Variants in GP2 observed in about 807,000 individuals in gnomAD.
GP2 encodes the protein pancreatic secretory granule membrane major glycoprotein GP2.
A neutral mutation model predicts 60.8 loss-of-function variants in GP2; 58 were observed. The ratio of observed to expected loss-of-function variants is 0.95; its 90% CI spans 0.77 to 1.19. The LOEUF is 1.19. Among genes scored for constraint, GP2 ranks in the 50% most tolerant of loss-of-function variants. The pLI, the probability that GP2 is intolerant of heterozygous loss-of-function variation, is 0.00. For synonymous variants in GP2, 280 were observed against 253.4 expected (o/e 1.10, Z -1.00); for missense variants, 647 against 667.4 (o/e 0.97, Z 0.34).
In GP2 at chr16:20,327,507, T is replaced by C. The variant is rs1251862324; in HGVS notation, c.-77A>G. The C allele has an allele frequency of 1.6e-6, 2 of 1,288,680 alleles. No individual in the cohort carries two copies. Among genetic ancestry groups the C allele is most frequent in the East Asian group, 5.5e-5 (1 of 18,032 alleles). 79.8% of individuals were successfully genotyped at this position (1,288,680 alleles called of 1,614,324 possible). On this transcript the variant is annotated 5_prime_UTR_variant, in exon 1 of 11. It removes an upstream start codon present in the reference 5' UTR. Transcript: ENST00000302555. The stretch of plus-strand genomic sequence containing the variant: ...AAAGCGTTCCTCCTCTGGCCAGCCA[T>C]GGGAATGCAGCCTGCTGTGGGCCGT...
chr16:20,322,399 T>C (rs1028076601), intron 4 of GP2, among the ~76,000 whole-genome samples: 1 of 152,160 alleles, frequency 6.6e-6, no homozygotes, highest in Non-Finnish European at 1.5e-5. Flanking sequence ...GCCTGCCCAA[T>C]TGGACTGCTC....
rs190555989 is a variant in GP2, at chr16:20,323,051, C to A, written c.536-72G>T. On this transcript the variant is annotated intron_variant, in intron 3 of 10. Transcript: ENST00000302555. ...TGGACTTGAGGCCCCCAAGTCCAAC[C>A]CTTTCATTTCACCGGGGCACAAGAA... 87 of 790,272 alleles carry A rather than the reference C, an allele frequency of 1.1e-4. No individual in the cohort carries two copies. The Middle Eastern group carries it at 1.8e-3, about 17-fold the overall frequency. 49.0% of individuals were successfully genotyped at this position (790,272 alleles called of 1,614,324 possible). A position where few individuals can be genotyped will look rare whatever the true frequency, so the allele number is the denominator to read the frequency against.
chr16:20,324,594 C>T (rs1462467644), intron 2 of GP2, among the ~76,000 whole-genome samples: 1 of 152,132 alleles, frequency 6.6e-6, no homozygotes, highest in East Asian at 1.9e-4. Flanking sequence ...TACAGGCTCA[C>T]TGAAAAAGAA....
chr16:20,319,059 G>T (rs1166278724), intron 6 of GP2, among the ~76,000 whole-genome samples: 2 of 152,030 alleles, frequency 1.3e-5, no homozygotes, highest in South Asian at 2.1e-4. Context: ...ACAGAGAAAA[G>T]CCCCTGCCCA....
chr16:20,314,741 G>A, intron 9 of GP2, 40 bp from the exon 10 acceptor site: 2 of 1,419,644 alleles, frequency 1.4e-6, no homozygotes, highest in Non-Finnish European at 2.0e-6. Context: ...CCTCAGTCAT[G>A]CTCCAGTGAC....
chr16:20,322,386 T>A (rs1964390451), intron 4 of GP2, among the ~76,000 whole-genome samples: 1 of 152,188 alleles, frequency 6.6e-6, no homozygotes, highest in Non-Finnish European at 1.5e-5. Context: ...CATCACCTCC[T>A]GAGCCTGCCC....
At chr16:20,323,656 A>G in intron 3 of GP2, 160 bp downstream of exon 3, 1 of 612,930 alleles carries the variant, frequency 1.6e-6, no homozygotes, top group Non-Finnish European at 2.9e-6. Flanking sequence ...AAATGTTGGA[A>G]GGTCTCAACC....
chr16:20,323,759 G>T, intron 3 of GP2, 57 bp downstream of exon 3: 6 of 1,158,666 alleles, frequency 5.2e-6, no homozygotes, highest in Non-Finnish European at 7.5e-6. Context: ...ACTCTACTGA[G>T]CCTGGGAGGC....
Position 20,318,424 on chromosome 16 carries a change from C to G in GP2, c.1014G>C (p.Leu338=), listed in dbSNP as rs1964252263. ...QAALQPIVSS[L]NVSVDGNGEF... ...CTCCATTCCCGTCCACACTGACGTT[C>G]AGGGAACTGAGAAAAAGAAAGCCAC... is the stretch of plus-strand genomic sequence containing the variant. Residue 338 remains leucine (L), a synonymous_variant, in exon 7 of 11, where the codon CTG becomes CTC. Transcript: ENST00000302555. The G allele has an allele frequency of 6.2e-7, 1 of 1,612,564 alleles. No homozygotes were observed. The highest frequency in any genetic ancestry group is 8.5e-7 in the Non-Finnish European group (1 of 1,178,692).
intron 4 of GP2, among the ~76,000 whole-genome samples, chr16:20,322,120 C>T (rs1964380247): frequency 1.3e-5 from 2 of 152,186 alleles, no homozygotes; most frequent in African/African-American, 2.4e-5. Flanking sequence ...CTCCGTTTTC[C>T]AAATGTGTCA....
At chr16:20,323,641 G>T in intron 3 of GP2, 175 bp downstream of exon 3, 1 of 607,732 alleles carries the variant, frequency 1.6e-6, no homozygotes, top group Non-Finnish European at 3.0e-6. Flanking sequence ...GGAATTTCTG[G>T]CTTGAAATGT....
intron 6 of GP2, 126 bp downstream of exon 6, chr16:20,319,494 C>A (rs750197034): frequency 1.5e-6 from 1 of 672,890 alleles, no homozygotes; most frequent in Non-Finnish European, 2.7e-6. Context: ...GAATGAATGA[C>A]TGAATGACTG....
chr16:20,321,319 C>T (rs1964351615), intron 4 of GP2, among the ~76,000 whole-genome samples: 1 of 152,136 alleles, frequency 6.6e-6, no homozygotes, highest in Admixed American at 6.5e-5. Context: ...GCCTCAGCCT[C>T]CCAAACTGTT....
chr16:20,316,646 T>C (rs1964182690), intron 8 of GP2, among the ~76,000 whole-genome samples: 2 of 152,180 alleles, frequency 1.3e-5, no homozygotes, highest in Non-Finnish European at 2.9e-5. Context: ...ATTATAATCA[T>C]TTAAAAGATG....
At chr16:20,326,266 TTC>T in intron 2 of GP2, 70 bp downstream of exon 2, 1 of 1,434,164 alleles carries the variant, frequency 7.0e-7, no homozygotes, top group Non-Finnish European at 9.8e-7. Flanking sequence ...CTGAGCCACC[TTC>T]TCTGCACTTC....
At chr16:20,320,004 A>G (rs1269713723) in intron 5 of GP2, among the ~76,000 whole-genome samples, 7 of 152,208 alleles carry the variant, frequency 4.6e-5, no homozygotes, top group African/African-American at 1.7e-4. Context: ...GGGAAGAGTC[A>G]GGAACCAACA....
chr16:20,319,975 C>G (rs1008228113), intron 5 of GP2, among the ~76,000 whole-genome samples: 1 of 152,076 alleles, frequency 6.6e-6, no homozygotes, highest in African/African-American at 2.4e-5. Context: ...AAAACTAGAA[C>G]GATAAATTAT....
chr16:20,321,865 T>C (rs771354869), intron 4 of GP2, among the ~76,000 whole-genome samples: 10 of 152,168 alleles, frequency 6.6e-5, no homozygotes, highest in South Asian at 2.1e-4. Context: ...GGCCACCTGC[T>C]CACTCAGTCA....
chr16:20,316,010 C>T lies in GP2; in HGVS notation c.1447G>A (p.Val483Ile), dbSNP rs753256789. The T allele has an allele frequency of 1.9e-6, 3 of 1,612,898 alleles. No homozygotes were observed. Among genetic ancestry groups the T allele is most frequent in the South Asian group, 1.1e-5 (1 of 91,044 alleles). ...ACCCGGGCTAGGTCGATGGCCGGTACTTCACTGCGGACTTGACTTCTTGAG... is the reference window on the plus strand; with the variant it reads ...ACCCGGGCTAGGTCGATGGCCGGTATTTCACTGCGGACTTGACTTCTTGAG... ...SCSRSQVRSE[V>I]PAIDLARVLD... Residue 483 changes from valine (V) to isoleucine (I), a missense_variant, in exon 9 of 11, where the codon GTA (valine) becomes ATA (isoleucine). Val to Ile is a conservative substitution (Grantham distance 29). Coordinates refer to ENST00000302555, the MANE Select transcript of GP2 (RefSeq NM_001502.4).
Sources: gnomAD v4.1 joint callset for allele counts (sites outside exome capture counted in the v4.1 genomes callset) on GRCh38, gnomAD v4.1.1 for gene constraint, MANE v1.5 for transcripts, NCBI Gene and HGNC (gene_info 2026-07-23, HGNC 2026-07-21) for gene names.